ANKRD30BL: variants seen among roughly 807,000 people sequenced by gnomAD.
ANKRD30BL encodes the protein ankyrin repeat domain 30B like, also known as putative ankyrin repeat domain-containing protein 30B-like.
A neutral mutation model predicts 18.4 loss-of-function variants in ANKRD30BL; 20 were observed. The ratio of observed to expected loss-of-function variants is 1.09; its 90% CI spans 0.77 to 1.58. The LOEUF is 1.58. ANKRD30BL is among the 40% of genes most tolerant of loss of function. The pLI is 0.00. For synonymous variants in ANKRD30BL, 72 were observed against 100.9 expected (o/e 0.71, Z 1.72); for missense variants, 224 against 268.6 (o/e 0.83, Z 1.16).
chr2:132,214,523 C>T (rs1334359554), intron 1 of ANKRD30BL, among the ~76,000 whole-genome samples: 3 of 151,860 alleles, frequency 2.0e-5, no homozygotes, highest in Non-Finnish European at 2.9e-5. Flanking sequence ...AAGACAGAAG[C>T]ATTCTGTCAA....
At chr2:132,220,311 C>A (rs1679638905) in intron 1 of ANKRD30BL, among the ~76,000 whole-genome samples, 1 of 117,974 alleles carries the variant, frequency 8.5e-6, no homozygotes, top group Admixed American at 8.6e-5. Flanking sequence ...TGTCCCTCTC[C>A]CTCTCCCTCT....
intron 1 of ANKRD30BL, among the ~76,000 whole-genome samples, chr2:132,182,886 A>G (rs1173713097): frequency 6.6e-6 from 1 of 152,182 alleles, no homozygotes; most frequent in Non-Finnish European, 1.5e-5. Flanking sequence ...CCCGACAGAT[A>G]AATTAATATG....
chr2:132,237,018 C>G (rs1406490441), intron 1 of ANKRD30BL, among the ~76,000 whole-genome samples: 1 of 151,006 alleles, frequency 6.6e-6, no homozygotes, highest in East Asian at 1.9e-4. Context: ...AGTAAACTAT[C>G]GCAAGAACAA....
chr2:132,254,593 A>T (rs1460047598), intron 1 of ANKRD30BL, among the ~76,000 whole-genome samples: 1 of 152,218 alleles, frequency 6.6e-6, no homozygotes, highest in Non-Finnish European at 1.5e-5. Flanking sequence ...GAAAAATTGC[A>T]ATCCCTGATC....
chr2:132,191,077 C>G (rs190164130), intron 1 of ANKRD30BL, among the ~76,000 whole-genome samples: 4 of 152,186 alleles, frequency 2.6e-5, no homozygotes, highest in African/African-American at 9.6e-5. Context: ...TCTATCACCT[C>G]AAAGGTTCTT....
chr2:132,238,346 G>A (rs13420456), intron 1 of ANKRD30BL, among the ~76,000 whole-genome samples: 3,861 of 151,962 alleles, frequency 0.025, 149 homozygotes, highest in African/African-American at 0.089. Flanking sequence ...TCTTTGTGAC[G>A]TGTGCATTCA....
intron 1 of ANKRD30BL, among the ~76,000 whole-genome samples, chr2:132,210,515 G>A (rs2104756803): frequency 6.6e-6 from 1 of 152,136 alleles, no homozygotes; most frequent in Middle Eastern, 3.4e-3. Flanking sequence ...AGCGCCTTAA[G>A]GTCTATGGTG....
chr2:132,164,369 C>A (rs556233104), upstream of ANKRD30BL, among the ~76,000 whole-genome samples: 5 of 150,374 alleles, frequency 3.3e-5, no homozygotes, highest in East Asian at 8.2e-4. Context: ...CGGCTCACTG[C>A]AACCTCTACT....
intron 1 of ANKRD30BL, among the ~76,000 whole-genome samples, chr2:132,223,978 G>A (rs200261458): frequency 6.6e-6 from 1 of 152,146 alleles, no homozygotes; most frequent in Non-Finnish European, 1.5e-5. Context: ...ATAAAAACTA[G>A]ACAGGAGCAT....
intron 1 of ANKRD30BL, among the ~76,000 whole-genome samples, chr2:132,160,827 A>G (rs1255651144): frequency 6.6e-6 from 1 of 151,838 alleles, no homozygotes; most frequent in African/African-American, 2.4e-5. Flanking sequence ...CACAATAGTA[A>G]AAGACAGCGT....
chr2:132,188,296 A>G (rs1336842210), intron 1 of ANKRD30BL, among the ~76,000 whole-genome samples: 2 of 152,230 alleles, frequency 1.3e-5, no homozygotes, highest in Non-Finnish European at 2.9e-5. Flanking sequence ...AGTGAACACC[A>G]AAAGCCAATA....
chr2:132,150,856 A>C, intron 5 of ANKRD30BL, 56 bp downstream of exon 5: 2 of 546,944 alleles, frequency 3.7e-6, no homozygotes, highest in South Asian at 4.3e-5. Context: ...TGTGATTAAC[A>C]CTCCTATAAT....
chr2:132,209,071 C>T (rs796381903), intron 1 of ANKRD30BL, among the ~76,000 whole-genome samples: 2 of 147,710 alleles, frequency 1.4e-5, no homozygotes, highest in Non-Finnish European at 3.0e-5. Context: ...ATTAATCTCA[C>T]AGAGTTGAAT....
intron 1 of ANKRD30BL, among the ~76,000 whole-genome samples, chr2:132,191,831 T>A (rs1678858298): frequency 6.8e-6 from 1 of 147,174 alleles, no homozygotes; most frequent in South Asian, 2.2e-4. Context: ...AAGCTCTGCC[T>A]CCTGGGTTCA....
rs536846931 is a variant in ANKRD30BL, at chr2:132,223,263, T to G, written n.441+34266A>C. ...TATTTTTACTGCTTTGAGGCCTTCGTTTGAAACGGAAATATATTCACATAA... is the reference window on the plus strand; with the variant it reads ...TATTTTTACTGCTTTGAGGCCTTCGGTTGAAACGGAAATATATTCACATAA... On this transcript the variant is annotated intron_variant and non_coding_transcript_variant, in intron 1 of 4. Coordinates refer to the ANKRD30BL transcript ENST00000470729. Among the ~76,000 whole-genome samples the G allele has an allele frequency of 8.1e-4, 123 of 152,176 alleles. 4 individuals carry two copies. The South Asian group carries it at 0.02, about 25-fold the overall frequency.
chr2:132,223,574 A>C (rs1679758677), intron 1 of ANKRD30BL, among the ~76,000 whole-genome samples: 1 of 152,124 alleles, frequency 6.6e-6, no homozygotes, highest in Non-Finnish European at 1.5e-5. Context: ...AGAAACTGCA[A>C]GTGGAAATTT....
Position 132,231,507 on chromosome 2 carries a change from C to T in ANKRD30BL, n.441+26022G>A, listed in dbSNP as rs371544675. On this transcript the variant is annotated intron_variant and non_coding_transcript_variant, in intron 1 of 4. Coordinates refer to the ANKRD30BL transcript ENST00000470729. ...GCACCGTGCACGAGCTGAAGCAGGGCGATGCATTGCCTCACTTGGGAAGCA... is the reference window on the plus strand; with the variant it reads ...GCACCGTGCACGAGCTGAAGCAGGGTGATGCATTGCCTCACTTGGGAAGCA... Among the ~76,000 whole-genome samples, 38 of 152,268 alleles carry T rather than the reference C, an allele frequency of 2.5e-4. No individual in the cohort carries two copies. The East Asian group carries it at 5.0e-3, about 20-fold the overall frequency.
At chr2:132,218,336 G>A (rs1321666606) in intron 1 of ANKRD30BL, among the ~76,000 whole-genome samples, 1 of 152,218 alleles carries the variant, frequency 6.6e-6, no homozygotes, top group South Asian at 2.1e-4. Flanking sequence ...TCTTTTTGAG[G>A]TGTGCATTCA....
intron 1 of ANKRD30BL, among the ~76,000 whole-genome samples, chr2:132,218,935 TG>T (rs1679589817): frequency 6.6e-6 from 1 of 152,108 alleles, no homozygotes; most frequent in African/African-American, 2.4e-5. Context: ...AATGGACATT[TG>T]GACCGCTTTG....
Sources: allele counts gnomAD v4.1 joint callset (sites outside exome capture counted in the v4.1 genomes callset), GRCh38; gene constraint gnomAD v4.1.1; transcripts MANE v1.5; gene names NCBI Gene and HGNC (gene_info 2026-07-23, HGNC 2026-07-21).